Variants in CSMD1 observed in about 807,000 individuals in gnomAD.
CSMD1 encodes the protein CUB and Sushi multiple domains 1.
In CSMD1, 213 loss-of-function variants were observed where a neutral mutation model predicts 417.5. That is an observed-to-expected ratio of 0.51 (90% confidence interval 0.46 to 0.57). CSMD1 has a LOEUF of 0.57. CSMD1 is among the 20% of genes least tolerant of loss of function. The probability of loss-of-function intolerance (pLI) is 0.00; values close to 1 mark genes in which losing one functional copy is unlikely to be tolerated. For synonymous variants in CSMD1, 2,862 were observed against 1,736.8 expected (o/e 1.65, Z -16.11); for missense variants, 6,923 against 4,529.7 (o/e 1.53, Z -15.17).
intron 3 of CSMD1, among the ~76,000 whole-genome samples, chr8:4,233,585 G>C (rs186418240): frequency 6.6e-6 from 1 of 152,240 alleles, no homozygotes; most frequent in East Asian, 1.9e-4. Context: ...CCCTGTCTAT[G>C]AACCAGGAAA....
intron 3 of CSMD1, among the ~76,000 whole-genome samples, chr8:4,179,506 A>G (rs977580990): frequency 9.3e-5 from 14 of 150,824 alleles, no homozygotes; most frequent in Non-Finnish European, 1.5e-4. Flanking sequence ...ACCATTCAGG[A>G]CGTAGGCATG....
intron 3 of CSMD1, among the ~76,000 whole-genome samples, chr8:4,228,099 T>A (rs1275281787): frequency 6.6e-6 from 1 of 151,698 alleles, no homozygotes; most frequent in Non-Finnish European, 1.5e-5. Context: ...ACACTCTCTA[T>A]CCTTCATTCA....
intron 5 of CSMD1, among the ~76,000 whole-genome samples, chr8:3,949,623 A>C (rs1355447029): frequency 6.6e-6 from 1 of 151,894 alleles, no homozygotes; most frequent in Non-Finnish European, 1.5e-5. Context: ...TTTGTTTGGG[A>C]GATGATTTTA....
intron 3 of CSMD1, among the ~76,000 whole-genome samples, chr8:4,170,488 T>C (rs930428519): frequency 3.3e-5 from 5 of 151,896 alleles, no homozygotes; most frequent in Admixed American, 2.0e-4. Flanking sequence ...CTTCTGACTG[T>C]AATGAGATTA....
chr8:4,217,334 T>C (rs534826354), intron 3 of CSMD1, among the ~76,000 whole-genome samples: 4 of 152,354 alleles, frequency 2.6e-5, no homozygotes, highest in African/African-American at 9.6e-5. Flanking sequence ...AGGTGCTGCC[T>C]TGGACTCTAA....
At chr8:3,213,560 C>A (rs1400422815) in intron 30 of CSMD1, among the ~76,000 whole-genome samples, 1 of 152,078 alleles carries the variant, frequency 6.6e-6, no homozygotes, top group African/African-American at 2.4e-5. Context: ...TTACTAATTT[C>A]ATTCCTAAGG....
chr8:3,980,111 G>C (rs1813737693), intron 5 of CSMD1, among the ~76,000 whole-genome samples: 1 of 138,850 alleles, frequency 7.2e-6, no homozygotes, highest in Non-Finnish European at 1.5e-5. Flanking sequence ...GTTTTTTCTA[G>C]AAAATAGGTT....
At chr8:3,320,758 C>T (rs1325574969) in intron 23 of CSMD1, among the ~76,000 whole-genome samples, 2 of 152,124 alleles carry the variant, frequency 1.3e-5, no homozygotes, top group Admixed American at 1.3e-4. Context: ...TTGCAGGTGC[C>T]AGCCCATCCT....
chr8:3,234,800 T>A (rs534582211), intron 26 of CSMD1, among the ~76,000 whole-genome samples: 1 of 152,338 alleles, frequency 6.6e-6, no homozygotes, highest in South Asian at 2.1e-4. Flanking sequence ...ACAAGGCAAT[T>A]GGCCATCATC....
chr8:4,043,623 G>C (rs1482573901), intron 3 of CSMD1, among the ~76,000 whole-genome samples: 4 of 152,206 alleles, frequency 2.6e-5, no homozygotes, highest in Non-Finnish European at 2.9e-5. Context: ...AATTTCAAAA[G>C]ACGAAATGCA....
intron 1 of CSMD1, among the ~76,000 whole-genome samples, chr8:4,691,504 C>T (rs559662602): frequency 6.6e-6 from 1 of 152,192 alleles, no homozygotes; most frequent in East Asian, 1.9e-4. Flanking sequence ...TGTATTTTTC[C>T]CCGCTTCTGA....
At chr8:4,183,035 G>C (rs1056070585) in intron 3 of CSMD1, among the ~76,000 whole-genome samples, 2 of 152,154 alleles carry the variant, frequency 1.3e-5, no homozygotes, top group Non-Finnish European at 2.9e-5. Context: ...GAAAGTACAC[G>C]TGATTGTGTT....
At chr8:3,878,241 A>C (rs2129118484) in intron 5 of CSMD1, among the ~76,000 whole-genome samples, 1 of 152,288 alleles carries the variant, frequency 6.6e-6, no homozygotes, top group African/African-American at 2.4e-5. Flanking sequence ...CGAGATGATA[A>C]TTTCTTAGAT....
chr8:3,805,059 G>A (rs1359575042), intron 5 of CSMD1, among the ~76,000 whole-genome samples: 2 of 151,788 alleles, frequency 1.3e-5, no homozygotes, highest in East Asian at 3.9e-4. Context: ...CACCACTTAG[G>A]CACAGAGAAT....
intron 1 of CSMD1, among the ~76,000 whole-genome samples, chr8:4,804,149 A>G (rs540485172): frequency 1.3e-5 from 2 of 152,252 alleles, no homozygotes; most frequent in Admixed American, 1.3e-4. Flanking sequence ...CATCAAAACT[A>G]GATGCCCTTG....
intron 3 of CSMD1, among the ~76,000 whole-genome samples, chr8:4,230,522 G>C (rs967565521): frequency 6.6e-6 from 1 of 152,118 alleles, no homozygotes; most frequent in African/African-American, 2.4e-5. Flanking sequence ...CCCACATACA[G>C]AGTTTTTAGG....
chr8:3,468,152 G>A (rs961592258), intron 12 of CSMD1, among the ~76,000 whole-genome samples: 9 of 152,074 alleles, frequency 5.9e-5, no homozygotes, highest in African/African-American at 2.2e-4. Flanking sequence ...AATATCCACA[G>A]GACAATAATT....
intron 5 of CSMD1, among the ~76,000 whole-genome samples, chr8:3,864,809 G>C (rs1005480544): frequency 6.6e-6 from 1 of 152,146 alleles, no homozygotes; most frequent in Non-Finnish European, 1.5e-5. Flanking sequence ...GGTCTAAAGA[G>C]CTATTTGTTA....
At chr8:4,585,235 T>A (rs1038502596) in intron 2 of CSMD1, among the ~76,000 whole-genome samples, 17 of 152,118 alleles carry the variant, frequency 1.1e-4, no homozygotes, top group Admixed American at 5.9e-4. Flanking sequence ...AGCAGAGAAC[T>A]GCCATCTACA....
Sources: gnomAD v4.1 joint callset for allele counts (sites outside exome capture counted in the v4.1 genomes callset) on GRCh38, gnomAD v4.1.1 for gene constraint, MANE v1.5 for transcripts, NCBI Gene and HGNC (gene_info 2026-07-23, HGNC 2026-07-21) for gene names.